The following PNPT1 variants were observed in gnomAD, a reference collection of about 807,000 sequenced individuals.
PNPT1 encodes polyribonucleotide nucleotidyltransferase 1, also known as polyribonucleotide nucleotidyltransferase 1, mitochondrial.
A neutral mutation model predicts 119.5 loss-of-function variants in PNPT1; 53 were observed. The observed-to-expected ratio is 0.44, with a 90% CI of 0.36 to 0.56. The LOEUF (loss-of-function observed/expected upper bound fraction) is 0.56, where lower values mean the gene tolerates loss of function less well. Among genes scored for constraint, PNPT1 ranks in the 20% least tolerant of loss-of-function variants. The pLI, the probability that PNPT1 is intolerant of heterozygous loss-of-function variation, is 0.00. For synonymous variants in PNPT1, 357 were observed against 322.1 expected (o/e 1.11, Z -1.16); for missense variants, 948 against 938.5 (o/e 1.01, Z -0.13).
chr2:55,679,636 C>A lies in PNPT1; in HGVS notation c.679+46G>T, dbSNP rs374579027. ...TTAAATTCAGTTTAAGAAGCCAGAACTTGTAAGTAAAATCCAGAACAAATG... is the reference window on the plus strand; with the variant it reads ...TTAAATTCAGTTTAAGAAGCCAGAAATTGTAAGTAAAATCCAGAACAAATG... On this transcript the variant is annotated intron_variant, in intron 8 of 27. Coordinates refer to ENST00000447944, the MANE Select transcript of PNPT1 (RefSeq NM_033109.5). 1.1e-4 allele frequency: 148 copies of A among 1,359,698 alleles called. No homozygotes were observed. In the African/African-American group the frequency reaches 1.9e-3, roughly 17 times the overall value. 84.2% of individuals were successfully genotyped at this position (1,359,698 alleles called of 1,614,324 possible).
chr2:55,662,299 G>GC (rs1475085455), intron 13 of PNPT1, among the ~76,000 whole-genome samples: 1 of 152,200 alleles, frequency 6.6e-6, no homozygotes, highest in Admixed American at 6.5e-5. Context: ...GGAAGAGAAA[G>GC]CAATGTTTTT....
chr2:55,665,569 CA>C (rs1368610234), intron 13 of PNPT1, among the ~76,000 whole-genome samples: 2 of 151,922 alleles, frequency 1.3e-5, no homozygotes, highest in Non-Finnish European at 2.9e-5. Flanking sequence ...AAAAACTGGC[CA>C]AAGGATATGG....
chr2:55,691,093 G>C (rs1333337461), intron 1 of PNPT1, among the ~76,000 whole-genome samples: 2 of 152,204 alleles, frequency 1.3e-5, no homozygotes, highest in Non-Finnish European at 2.9e-5. Context: ...GTGAAGGGGA[G>C]TGGAGGATCT....
intron 18 of PNPT1, among the ~76,000 whole-genome samples, chr2:55,650,795 C>T (rs1382826015): frequency 6.0e-5 from 9 of 151,034 alleles, no homozygotes; most frequent in Non-Finnish European, 1.3e-4. Flanking sequence ...GCCCGGCAGC[C>T]GCGCCGTCTG....
At chr2:55,657,977 T>A (rs912400461) in intron 15 of PNPT1, among the ~76,000 whole-genome samples, 5 of 147,086 alleles carry the variant, frequency 3.4e-5, no homozygotes, top group African/African-American at 1.2e-4. Context: ...GTGGCTTATG[T>A]CTGTAATCCC....
intron 8 of PNPT1, among the ~76,000 whole-genome samples, chr2:55,675,411 A>G (rs192615379): frequency 3.9e-5 from 6 of 152,322 alleles, no homozygotes; most frequent in Admixed American, 3.3e-4. Flanking sequence ...ATGAGATGCT[A>G]TATCTAATAA....
intron 14 of PNPT1, among the ~76,000 whole-genome samples, chr2:55,660,828 C>T (rs151158129): frequency 6.6e-6 from 1 of 152,288 alleles, no homozygotes; most frequent in African/African-American, 2.4e-5. Context: ...GGTACCCTGA[C>T]CAAGCCCAGT....
chr2:55,693,335 G>C (rs942669289), intron 1 of PNPT1, among the ~76,000 whole-genome samples: 5 of 152,060 alleles, frequency 3.3e-5, no homozygotes, highest in Non-Finnish European at 5.9e-5. Context: ...TCTCACCCAC[G>C]TCAACTCGTT....
At chr2:55,686,603 T>G (rs1229043935) in intron 2 of PNPT1, among the ~76,000 whole-genome samples, 159 bp from the exon 3 acceptor site, 1 of 152,242 alleles carries the variant, frequency 6.6e-6, no homozygotes, top group African/African-American at 2.4e-5. Context: ...AGTCCAATCT[T>G]GATCTCTGAG....
At chr2:55,661,129 G>T (rs775889760) in intron 14 of PNPT1, among the ~76,000 whole-genome samples, 11 of 123,520 alleles carry the variant, frequency 8.9e-5, no homozygotes, top group African/African-American at 3.5e-4. Flanking sequence ...ACAGAGTCTC[G>T]CTCTGTCGTC....
intron 18 of PNPT1, among the ~76,000 whole-genome samples, chr2:55,648,705 G>C (rs990382668): frequency 6.6e-6 from 1 of 151,996 alleles, no homozygotes; most frequent in Admixed American, 6.6e-5. Context: ...AATATGGACA[G>C]AGCTTTATTA....
At chr2:55,669,185 AC>A (rs145315597) in intron 11 of PNPT1, among the ~76,000 whole-genome samples, 21,565 of 152,018 alleles carry the variant, frequency 0.14, 2,963 homozygotes, top group African/African-American at 0.36. Context: ...TTAAAAAAAA[AC>A]ATAAATAAAA....
chr2:55,693,199 G>A (rs1697677879), intron 1 of PNPT1, among the ~76,000 whole-genome samples: 1 of 152,232 alleles, frequency 6.6e-6, no homozygotes, highest in African/African-American at 2.4e-5. Context: ...AGGAGCCCGA[G>A]GAGTGGGACG....
Position 55,687,683 on chromosome 2 carries a change from T to G in PNPT1, c.184A>C (p.Lys62Gln). The G allele has an allele frequency of 6.2e-7, 1 of 1,602,156 alleles. No individual in the cohort carries two copies. The highest frequency in any genetic ancestry group is 8.5e-7 in the Non-Finnish European group (1 of 1,175,906). ...GAGCCATCTGCAAATCTGGCCAGCT[T>G]TCCAGAAGATATTTCTAATTTCCTG... Reference protein sequence around the residue: ...GNRKLEISSGKLARFADGSAV... With the variant: ...GNRKLEISSGQLARFADGSAV... Residue 62 changes from lysine (K) to glutamine (Q), a missense_variant, in exon 2 of 28, where the codon AAG (lysine) becomes CAG (glutamine). Physicochemically the swap from Lys to Gln is moderately conservative, Grantham distance 53. Transcript: ENST00000447944.
Position 55,687,630 on chromosome 2 carries a change from A to G in PNPT1, c.222+15T>C. On this transcript the variant is annotated intron_variant, in intron 2 of 27. Transcript: ENST00000447944. ...ACCATTTTTAAGATGAATTTTAAAA[A>G]TCTGGACTTTTTACCTGTACTACAG... 1 of 1,557,552 alleles carries G rather than the reference A, an allele frequency of 6.4e-7. No homozygotes were observed. Among genetic ancestry groups the G allele is most frequent in the Non-Finnish European group, 8.7e-7 (1 of 1,155,364 alleles).
intron 26 of PNPT1, among the ~76,000 whole-genome samples, chr2:55,639,041 G>A (rs942219608): frequency 1.3e-4 from 20 of 152,092 alleles, no homozygotes; most frequent in Admixed American, 8.5e-4. Flanking sequence ...CTCCCAAAGT[G>A]CTGGGCTTAC....
At chr2:55,682,768 G>C (rs1697287826) in intron 5 of PNPT1, among the ~76,000 whole-genome samples, 1 of 152,068 alleles carries the variant, frequency 6.6e-6, no homozygotes, top group Non-Finnish European at 1.5e-5. Context: ...ACTTAGCTGG[G>C]TATGGTGGTT....
intron 27 of PNPT1, among the ~76,000 whole-genome samples, chr2:55,637,276 A>G (rs1344823394): frequency 6.6e-6 from 1 of 152,250 alleles, no homozygotes; most frequent in East Asian, 1.9e-4. Flanking sequence ...TGCCCAAATC[A>G]TGGAGTCTGC....
intron 5 of PNPT1, 60 bp from the exon 6 acceptor site, chr2:55,680,978 T>C: frequency 1.4e-6 from 2 of 1,385,928 alleles, no homozygotes; most frequent in Non-Finnish European, 2.0e-6. Context: ...CATCCTGACC[T>C]AAAATACAAG....
Sources: gnomAD v4.1 joint callset for allele counts (sites outside exome capture counted in the v4.1 genomes callset) on GRCh38, gnomAD v4.1.1 for gene constraint, MANE v1.5 for transcripts, NCBI Gene and HGNC (gene_info 2026-07-23, HGNC 2026-07-21) for gene names.